The following CACNG6 variants were observed in gnomAD, a reference collection of about 807,000 sequenced individuals.
The protein encoded by CACNG6 is calcium voltage-gated channel auxiliary subunit gamma 6.
CACNG6 carries 21 observed loss-of-function variants against 23.9 expected under a neutral mutation model. The observed-to-expected ratio is 0.88, with a 90% CI of 0.62 to 1.26. CACNG6 has a LOEUF of 1.26. Among genes scored for constraint, CACNG6 ranks in the 50% most tolerant of loss-of-function variants. CACNG6 has a pLI of 0.00. For missense variants in CACNG6, 340 were observed against 352.9 expected, an observed-to-expected ratio of 0.96 and a Z score of 0.29; for synonymous variants, 182 against 168.9, an observed-to-expected ratio of 1.08 and a Z score of -0.60.
At chr19:54,007,646 C>A (rs1234392998) in intron 3 of CACNG6, among the ~76,000 whole-genome samples, 1 of 152,126 alleles carries the variant, frequency 6.6e-6, no homozygotes, top group Non-Finnish European at 1.5e-5. Context: ...CCTGGAATCC[C>A]AACATTTTGG....
intron 3 of CACNG6, among the ~76,000 whole-genome samples, chr19:54,005,648 G>A (rs2069635387): frequency 6.6e-6 from 1 of 151,792 alleles, no homozygotes; most frequent in African/African-American, 2.4e-5. Flanking sequence ...AGCTACTAAG[G>A]AGGCTGAGGC....
At chr19:54,005,816 C>T (rs1009299412) in intron 3 of CACNG6, among the ~76,000 whole-genome samples, 2 of 147,364 alleles carry the variant, frequency 1.4e-5, no homozygotes, top group African/African-American at 5.1e-5. Context: ...ATAAACCAGG[C>T]GCGGTGGCTC....
chr19:53,996,951 C>G (rs540672173), intron 1 of CACNG6, among the ~76,000 whole-genome samples: 1 of 146,944 alleles, frequency 6.8e-6, no homozygotes, highest in African/African-American at 2.6e-5. Flanking sequence ...TCACTGCAAC[C>G]TCTGCCTCCC....
intron 3 of CACNG6, among the ~76,000 whole-genome samples, chr19:54,003,518 A>T (rs2069602016): frequency 6.6e-6 from 1 of 151,770 alleles, no homozygotes; most frequent in Admixed American, 6.6e-5. Context: ...CTGCCACCAC[A>T]CCTGGCTAAG....
At chr19:53,996,066 C>T (rs552055845) in intron 1 of CACNG6, among the ~76,000 whole-genome samples, 77 of 152,362 alleles carry the variant, frequency 5.1e-4, no homozygotes, top group Non-Finnish European at 8.2e-4. Flanking sequence ...GGGGAGCGCC[C>T]GCCCACACCA....
intron 3 of CACNG6, among the ~76,000 whole-genome samples, chr19:54,005,643 C>T (rs307966): frequency 0.73 from 108,650 of 149,262 alleles, 40,042 homozygotes; most frequent in East Asian, 0.96. Context: ...GTCCCAGCTA[C>T]TAAGGAGGCT....
chr19:54,008,043 A>G (rs113928682), intron 3 of CACNG6, among the ~76,000 whole-genome samples: 2 of 152,276 alleles, frequency 1.3e-5, no homozygotes, highest in African/African-American at 4.8e-5. Context: ...TCCTGGCTGC[A>G]TTCTCCAGGC....
intron 3 of CACNG6, among the ~76,000 whole-genome samples, chr19:54,011,454 CAA>C (rs1380226410): frequency 1.6e-5 from 2 of 128,656 alleles, no homozygotes; most frequent in Admixed American, 8.0e-5. Flanking sequence ...AAAAAAAAAA[CAA>C]AACAAAACAA....
chr19:54,008,954 G>A (rs192142622), intron 3 of CACNG6, among the ~76,000 whole-genome samples: 2 of 152,280 alleles, frequency 1.3e-5, no homozygotes, highest in African/African-American at 4.8e-5. Flanking sequence ...TCGAGTTGAC[G>A]TTTAAAGGTT....
intron 1 of CACNG6, 136 bp downstream of exon 1, chr19:53,993,344 C>A: frequency 1.2e-6 from 1 of 839,586 alleles, no homozygotes; most frequent in African/African-American, 1.8e-5. Flanking sequence ...GCAGTAAGCG[C>A]CAGTGCCCAC....
Position 53,992,554 on chromosome 19 carries a change from T to G in CACNG6, c.-324T>G. 11 of 201,830 alleles carry G rather than the reference T, an allele frequency of 5.5e-5. No homozygotes were observed. The highest frequency in any genetic ancestry group is 2.1e-4 in the East Asian group (2 of 9,356). 12.5% of individuals were successfully genotyped at this position (201,830 alleles called of 1,614,324 possible). ...GGGGACTCCCTCCTGGGAAGCCGAA[T>G]TCTATCTCTAAACCTCAGGGTGGGG... On this transcript the variant is annotated 5_prime_UTR_variant, in exon 1 of 4. Transcript: ENST00000252729. The surrounding 1 kb of genome is among the most constrained non-coding windows in gnomAD (Gnocchi z 4.1).
chr19:54,002,341 CTCCTGAGCTCAAGTGA>C (rs1474550927), intron 3 of CACNG6, among the ~76,000 whole-genome samples: 5 of 140,888 alleles, frequency 3.5e-5, no homozygotes, highest in African/African-American at 1.1e-4. Context: ...TGGTCTCCAA[CTCCTGAGCTCAAGTGA>C]TCCGCCCACC....
At chr19:54,002,132 G>C (rs186191081) in intron 3 of CACNG6, among the ~76,000 whole-genome samples, 25 of 151,124 alleles carry the variant, frequency 1.7e-4, no homozygotes, top group African/African-American at 6.1e-4. Context: ...CTCTCATCCA[G>C]GCTGGAGTAC....
intron 1 of CACNG6, 104 bp downstream of exon 1, chr19:53,993,312 C>G (rs2069485817): frequency 2.5e-6 from 3 of 1,206,994 alleles, no homozygotes; most frequent in East Asian, 5.5e-5. Flanking sequence ...AAAGCCTGAG[C>G]CCGGAGGAGA....
In CACNG6 at chr19:54,004,333, TTTTGTGTGTG is replaced by T. The variant is rs1391867799; in HGVS notation, c.544+4564_544+4573del. 1.8e-3 allele frequency among the ~76,000 whole-genome samples: 185 copies of T among 104,406 alleles called. 3 individuals are homozygous for T. The highest frequency in any genetic ancestry group is 0.016 in the East Asian group (69 of 4,220). The allele number at this position is 104,406 out of a possible 152,430, so 68.5% of individuals were successfully genotyped here. A position where few individuals can be genotyped will look rare whatever the true frequency, so the allele number is the denominator to read the frequency against. Reference sequence around the variant, plus strand: ...CCACCACGCCTGGTTAATTTTGTATTTTTGTGTGTGTGTGTGTGTGTGTGTGTGTGTGTGT... The same window carrying T: ...CCACCACGCCTGGTTAATTTTGTATTTGTGTGTGTGTGTGTGTGTGTGTGT... On this transcript the variant is annotated intron_variant, in intron 3 of 3. Coordinates refer to ENST00000252729, the MANE Select transcript of CACNG6 (RefSeq NM_145814.2).
intron 3 of CACNG6, among the ~76,000 whole-genome samples, chr19:54,006,522 CTTTTT>C (rs766609552): frequency 3.8e-4 from 13 of 34,172 alleles, no homozygotes; most frequent in African/African-American, 1.4e-3. Context: ...TCTTTCTTTT[CTTTTT>C]TTTTTTTTTT....
At chr19:54,003,892 C>G (rs1257919592) in intron 3 of CACNG6, among the ~76,000 whole-genome samples, 1 of 152,142 alleles carries the variant, frequency 6.6e-6, no homozygotes, top group Admixed American at 6.6e-5. Context: ...GGGTCTGGCT[C>G]TGTCGCCCAG....
At chr19:54,004,930 A>T (rs1357431231) in intron 3 of CACNG6, among the ~76,000 whole-genome samples, 1 of 151,962 alleles carries the variant, frequency 6.6e-6, no homozygotes, top group East Asian at 1.9e-4. Flanking sequence ...TAAATAAAAG[A>T]GGGGGGCGCG....
chr19:53,996,020 G>A (rs771193112), intron 1 of CACNG6, among the ~76,000 whole-genome samples: 18 of 152,162 alleles, frequency 1.2e-4, no homozygotes, highest in Non-Finnish European at 2.1e-4. Context: ...CCTCCTGGCC[G>A]GACATCTCAC....
Sources: allele counts gnomAD v4.1 joint callset (sites outside exome capture counted in the v4.1 genomes callset), GRCh38; gene constraint gnomAD v4.1.1; non-coding constraint Gnocchi (gnomAD v3.1); transcripts MANE v1.5; gene names NCBI Gene and HGNC (gene_info 2026-07-23, HGNC 2026-07-21).